MPV17: variants seen among roughly 807,000 people sequenced by gnomAD.
MPV17 encodes the protein MPV17, mitochondrial inner membrane protein.
Under a neutral mutation model 28.6 loss-of-function variants are expected in MPV17, and 31 were observed. The ratio of observed to expected loss-of-function variants is 1.08; its 90% confidence interval spans 0.81 to 1.46. MPV17 has a LOEUF of 1.46. MPV17 is among the 40% of genes most tolerant of loss of function. The pLI, the probability that MPV17 is intolerant of heterozygous loss-of-function variation, is 0.00. For synonymous variants in MPV17, 87 were observed against 85.3 expected (o/e 1.02, Z -0.11); for missense variants, 198 against 216.2 (o/e 0.92, Z 0.53).
At chr2:27,320,595 A>G (rs1679823226) in intron 2 of MPV17, among the ~76,000 whole-genome samples, 1 of 152,122 alleles carries the variant, frequency 6.6e-6, no homozygotes, top group Non-Finnish European at 1.5e-5. Flanking sequence ...CGGCGTCCCA[A>G]AGTGCTGGGA....
At chr2:27,313,233 G>T (rs1322178069) in intron 2 of MPV17, 124 bp from the exon 3 acceptor site, 25 of 1,557,740 alleles carry the variant, frequency 1.6e-5, no homozygotes, top group Non-Finnish European at 2.2e-5. Flanking sequence ...CTTCATTGTG[G>T]AAACAAATGA....
intron 2 of MPV17, chr2:27,316,864 C>T (rs933750147): frequency 3.6e-5 from 17 of 478,190 alleles, no homozygotes; most frequent in East Asian, 7.1e-5. Context: ...CAGATGCTGG[C>T]GCAGGTGTGA....
At chr2:27,311,602 A>C (rs936207857) in intron 7 of MPV17, 2 of 1,550,502 alleles carry the variant, frequency 1.3e-6, no homozygotes, top group Admixed American at 2.0e-5. Flanking sequence ...CACCCCAGCC[A>C]CTGTCCCTCC....
chr2:27,310,354 C>T (rs148922278), intron 7 of MPV17, among the ~76,000 whole-genome samples: 4,444 of 152,238 alleles, frequency 0.029, 208 homozygotes, highest in African/African-American at 0.1. Context: ...CCTCGGCCTC[C>T]CAAAGTGCTG....
chr2:27,311,713 T>A, intron 7 of MPV17, 186 bp downstream of exon 7: 1 of 1,551,536 alleles, frequency 6.4e-7, no homozygotes, highest in Non-Finnish European at 8.7e-7. Context: ...GCAGACACTC[T>A]GGGACAGTTT....
chr2:27,319,246 C>T (rs996029910), intron 2 of MPV17, among the ~76,000 whole-genome samples: 3 of 151,738 alleles, frequency 2.0e-5, no homozygotes, highest in Admixed American at 2.0e-4. Context: ...TTCCGGAACC[C>T]AAGGCTAAGA....
At chr2:27,321,992 A>C (rs544262097) in intron 2 of MPV17, 1 of 194,358 alleles carries the variant, frequency 5.1e-6, no homozygotes, top group Non-Finnish European at 1.1e-5. Flanking sequence ...TGTATGTTTC[A>C]CAATAAAAAA....
chr2:27,310,868 C>G (rs1033448408), intron 7 of MPV17, among the ~76,000 whole-genome samples: 3 of 152,032 alleles, frequency 2.0e-5, no homozygotes, highest in African/African-American at 7.2e-5. Flanking sequence ...CCTCAGCCTC[C>G]CGAGTAGCTG....
intron 7 of MPV17, chr2:27,311,611 C>G (rs1679441887): frequency 6.4e-7 from 1 of 1,550,572 alleles, no homozygotes; most frequent in South Asian, 1.2e-5. Context: ...CACTGTCCCT[C>G]CAGATATGCC....
intron 2 of MPV17, among the ~76,000 whole-genome samples, chr2:27,321,214 C>A (rs967838418): frequency 1.3e-5 from 2 of 152,224 alleles, no homozygotes; most frequent in African/African-American, 4.8e-5. Flanking sequence ...TGAGCCTGGG[C>A]AAAGGGCCCA....
chr2:27,317,297 G>A lies in MPV17; in HGVS notation c.71-4188C>T. 7.2e-7 allele frequency: 1 copy of A among 1,387,104 alleles called. No individual in the cohort carries two copies. The highest frequency in any genetic ancestry group is 1.5e-5 in the South Asian group (1 of 64,794). The allele number at this position is 1,387,104 out of a possible 1,614,324, so 85.9% of individuals were successfully genotyped here. A position where few individuals can be genotyped will look rare whatever the true frequency, so the allele number is the denominator to read the frequency against. ...GTCTGGCACAGAGCCCAGAGGGAGT[G>A]GAAGCCCAGCAGCGGGAGGGGAGTG... On this transcript the variant is annotated intron_variant, in intron 2 of 7. Transcript: ENST00000380044. This position sits in a 1 kb window ranked among gnomAD's most constrained non-coding sequence, Gnocchi z 4.0.
At chr2:27,319,911 G>A (rs954119391) in intron 2 of MPV17, among the ~76,000 whole-genome samples, 3 of 147,634 alleles carry the variant, frequency 2.0e-5, no homozygotes, top group African/African-American at 5.1e-5. Context: ...GGGTAACAGG[G>A]TGACACCTTA....
chr2:27,311,715 G>A (rs774142165), intron 7 of MPV17, 184 bp downstream of exon 7: 9 of 1,551,388 alleles, frequency 5.8e-6, no homozygotes, highest in Non-Finnish European at 7.0e-6. Context: ...AGACACTCTG[G>A]GACAGTTTCC....
chr2:27,314,182 T>C (rs992009511), intron 2 of MPV17, among the ~76,000 whole-genome samples: 8 of 151,862 alleles, frequency 5.3e-5, no homozygotes, highest in Non-Finnish European at 2.9e-5. Context: ...TTTAAACAAT[T>C]AGCTGGGCAC....
At chr2:27,314,362 G>C (rs1679571837) in intron 2 of MPV17, among the ~76,000 whole-genome samples, 1 of 152,128 alleles carries the variant, frequency 6.6e-6, no homozygotes, top group African/African-American at 2.4e-5. Context: ...GTGCTCAAAT[G>C]GTCATAAGCA....
chr2:27,320,624 G>A (rs144131153), intron 2 of MPV17, among the ~76,000 whole-genome samples: 260 of 152,248 alleles, frequency 1.7e-3, no homozygotes, highest in African/African-American at 5.9e-3. Flanking sequence ...GTGAGCCACC[G>A]CGCCCAGTCC....
At chr2:27,315,932 C>A in intron 2 of MPV17, 1 of 1,449,708 alleles carries the variant, frequency 6.9e-7, no homozygotes, top group Non-Finnish European at 9.0e-7. Context: ...GGAACTGAAC[C>A]CAGGCCTTCT....
At chr2:27,313,301 G>T in intron 2 of MPV17, 192 bp from the exon 3 acceptor site, 2 of 1,312,590 alleles carry the variant, frequency 1.5e-6, no homozygotes, top group South Asian at 2.8e-5. Context: ...GACACCTCAT[G>T]TGTATTCTGT....
In MPV17 at chr2:27,322,487, G is replaced by C. The variant is rs540291444; in HGVS notation, c.31C>G (p.Leu11Val). Residue 11 changes from leucine (L) to valine (V), a missense_variant, in exon 2 of 8, where the codon CTG (leucine) becomes GTG (valine). By Grantham distance (32) the Leu-to-Val change is conservative (BLOSUM62 1). Coordinates refer to ENST00000380044, the MANE Select transcript of MPV17 (RefSeq NM_002437.5). MALWRAYQRALAAHPWKVQVL... is the reference protein window; with the variant it reads MALWRAYQRAVAAHPWKVQVL... Reference sequence around the variant, plus strand: ...TGTACTTTCCACGGGTGAGCGGCCAGGGCCCGCTGGTATGCCCGCCAGAGT... The same window carrying C: ...TGTACTTTCCACGGGTGAGCGGCCACGGCCCGCTGGTATGCCCGCCAGAGT... The C allele has an allele frequency of 1.9e-6, 3 of 1,614,074 alleles. No individual in the cohort carries two copies. The highest frequency in any genetic ancestry group is 1.7e-6 in the Non-Finnish European group (2 of 1,180,038).
Sources: gnomAD v4.1 joint callset for allele counts (sites outside exome capture counted in the v4.1 genomes callset) on GRCh38, gnomAD v4.1.1 for gene constraint, Gnocchi (gnomAD v3.1) non-coding constraint, MANE v1.5 for transcripts, NCBI Gene and HGNC (gene_info 2026-07-23, HGNC 2026-07-21) for gene names.